CARHSP1: variants seen among roughly 807,000 people sequenced by gnomAD.
The protein encoded by CARHSP1 is calcium-regulated heat-stable protein 1.
In CARHSP1, 14 loss-of-function variants were observed where a neutral mutation model predicts 12.5. That is an observed-to-expected ratio of 1.12 (90% CI 0.74 to 1.75). The LOEUF is 1.75. Ranked by LOEUF, CARHSP1 falls within the 40% of genes most tolerant of loss-of-function variation. The probability of loss-of-function intolerance (pLI) is 0.00; values close to 1 mark genes in which losing one functional copy is unlikely to be tolerated. For missense variants in CARHSP1, 343 were observed against 201.6 expected (o/e 1.70, Z -4.25); for synonymous variants, 161 against 82.0 (o/e 1.96, Z -5.20).
At chr16:8,862,826 C>A (rs1029769540) in intron 1 of CARHSP1, among the ~76,000 whole-genome samples, 14 of 152,152 alleles carry the variant, frequency 9.2e-5, no homozygotes, top group African/African-American at 3.4e-4. Context: ...ATCATCATCA[C>A]TGTCATTGTC....
rs1006761424 is a variant in CARHSP1 at position 8,868,993 on chromosome 16, G to C, written c.-35C>G. The C allele has an allele frequency of 6.6e-6, 1 of 151,910 alleles. No individual in the cohort carries two copies. Among genetic ancestry groups the C allele is most frequent in the Non-Finnish European group, 1.5e-5 (1 of 67,966 alleles). 9.4% of individuals were successfully genotyped at this position (151,910 alleles called of 1,614,324 possible). On this transcript the variant is annotated 5_prime_UTR_variant, in exon 1 of 4. Transcript: ENST00000311052. ...TGCAATCCGTTCTGCTCCGCCAGCC[G>C]CTTCGCTCCGACTGAGAGCGCGGAG...
chr16:8,859,460 T>C (rs1020414029), intron 1 of CARHSP1, 125 bp from the exon 2 acceptor site: 3 of 843,288 alleles, frequency 3.6e-6, no homozygotes, highest in Non-Finnish European at 5.3e-6. Context: ...TCAGCACCAT[T>C]GTCACCTTGT....
rs1186463788 is a variant in CARHSP1, at chr16:8,858,399, A to G, written c.232T>C (p.Phe78Leu). ...GGGCCGCCATCAGCTGGAGTAATGA[A>G]GCCATGGCCCTTGGACCGGCAGAAG... ...KCFCRSKGHG[F>L]ITPADGGPDI... is the part of the protein sequence containing the mutation. The change falls in exon 3 of 4, where the codon TTC becomes CTC. Residue 78 changes from phenylalanine to leucine, a missense_variant. Physicochemically the swap from Phe to Leu is conservative, Grantham distance 22. Transcript: ENST00000311052. 3.1e-6 allele frequency: 5 copies of G among 1,614,028 alleles called. No homozygotes were observed. Among genetic ancestry groups the G allele is most frequent in the Non-Finnish European group, 4.2e-6 (5 of 1,180,020 alleles).
rs749783219 is a variant in CARHSP1, at chr16:8,859,258, G to A, written c.71C>T (p.Pro24Leu). ...HQASVGLLDT[P>L]RSRERSPSPL... The stretch of plus-strand genomic sequence containing the variant: ...GGATGGTGAGCGCTCACGGCTCCGA[G>A]GGGTGTCCAGCAGCCCGACTGAAGC... The change falls in exon 2 of 4, where the codon CCT (proline) becomes CTT (leucine). Residue 24 changes from proline (P) to leucine (L), a missense_variant. Physicochemically the swap from Pro to Leu is moderately conservative, Grantham distance 98. Transcript: ENST00000311052. 4 of 1,602,848 alleles carry A rather than the reference G, an allele frequency of 2.5e-6. No individual in the cohort carries two copies. The South Asian group carries it at 3.4e-5, about 13-fold the overall frequency.
At chr16:8,861,707 A>T (rs1339153766) in intron 1 of CARHSP1, 5 of 1,288,284 alleles carry the variant, frequency 3.9e-6, no homozygotes, top group Non-Finnish European at 5.1e-6. Context: ...CCAAGGAGGA[A>T]CTCCTGAGTC....
chr16:8,857,456 TTTTTTTTC>T (rs2061172653), intron 3 of CARHSP1: 1 of 116,686 alleles, frequency 8.6e-6, no homozygotes, highest in Non-Finnish European at 1.8e-5. Flanking sequence ...CTTTTTTTTT[TTTTTTTTC>T]TATTTTTTTG....
At chr16:8,866,364 G>C (rs1229886363) in intron 1 of CARHSP1, 1 of 856,188 alleles carries the variant, frequency 1.2e-6, no homozygotes, top group Non-Finnish European at 1.4e-6. Context: ...CAGTGCAGGA[G>C]GTGGAAGGGA....
Position 8,859,329 on chromosome 16 carries a change from G to A in CARHSP1, c.-1C>T, listed in dbSNP as rs1282150196. 4 of 1,599,304 alleles carry A rather than the reference G, an allele frequency of 2.5e-6. No homozygotes were observed. The highest frequency in any genetic ancestry group is 2.7e-5 in the African/African-American group (2 of 73,722). ...GTGGTGGGGGAGGCTCAGATGACATGGCTGACCTGGAAAGAGAAGAGGCTG... is the reference window on the plus strand; with the variant it reads ...GTGGTGGGGGAGGCTCAGATGACATAGCTGACCTGGAAAGAGAAGAGGCTG... On this transcript the variant is annotated 5_prime_UTR_variant, in exon 2 of 4. Transcript: ENST00000311052.
intron 1 of CARHSP1, chr16:8,868,695 G>A (rs943354079): frequency 6.6e-6 from 1 of 151,940 alleles, no homozygotes; most frequent in Non-Finnish European, 1.5e-5. Flanking sequence ...CCTGCACGCA[G>A]AGAACAGGTG....
chr16:8,861,711 C>T (rs2061361406), intron 1 of CARHSP1: 1 of 1,288,386 alleles, frequency 7.8e-7, no homozygotes, highest in Admixed American at 2.3e-5. Flanking sequence ...GGAGGAACTC[C>T]TGAGTCCGGG....
In CARHSP1 at chr16:8,859,313, G is replaced by A; in HGVS notation, c.16C>T (p.Pro6Ser). Residue 6 changes from proline to serine, a missense_variant, in exon 2 of 4, where the codon CCC becomes TCC. Physicochemically the swap from Pro to Ser is moderately conservative, Grantham distance 74. Coordinates refer to ENST00000311052, the MANE Select transcript of CARHSP1 (RefSeq NM_014316.4). MSSEP[P>S]PPPQPPTHQA... is the part of the protein sequence containing the mutation. ...TGGGTGGGGGGCTGTGGTGGTGGGG[G>A]AGGCTCAGATGACATGGCTGACCTG... is the stretch of plus-strand genomic sequence containing the variant. 2 of 1,601,606 alleles carry A rather than the reference G, an allele frequency of 1.2e-6. No individual in the cohort carries two copies. Among genetic ancestry groups the A allele is most frequent in the South Asian group, 1.1e-5 (1 of 90,066 alleles).
intron 1 of CARHSP1, among the ~76,000 whole-genome samples, chr16:8,865,686 A>G (rs1010791315): frequency 1.3e-5 from 2 of 152,290 alleles, no homozygotes; most frequent in Admixed American, 6.5e-5. Flanking sequence ...GGCAGGCTGT[A>G]GTGCTTTCAT....
At chr16:8,861,989 CTTT>C (rs537614451) in intron 1 of CARHSP1, among the ~76,000 whole-genome samples, 81 of 79,804 alleles carry the variant, frequency 1.0e-3, no homozygotes, top group South Asian at 3.6e-3. Flanking sequence ...GCATAGCTGA[CTTT>C]TTTTTTTTTT....
chr16:8,855,500 C>G (rs1596521604), intron 3 of CARHSP1, among the ~76,000 whole-genome samples, 174 bp from the exon 4 acceptor site: 1 of 152,180 alleles, frequency 6.6e-6, no homozygotes, highest in East Asian at 1.9e-4. Flanking sequence ...CCACACTGCC[C>G]CCAGCCTCTG....
chr16:8,860,559 G>A (rs2061320386), intron 1 of CARHSP1: 3 of 982,240 alleles, frequency 3.1e-6, no homozygotes, highest in East Asian at 1.1e-4. Flanking sequence ...CCATCTCTGG[G>A]CTCAGTTTCC....
chr16:8,857,190 C>T (rs1188364645), intron 3 of CARHSP1, among the ~76,000 whole-genome samples: 2 of 151,350 alleles, frequency 1.3e-5, no homozygotes, highest in African/African-American at 4.9e-5. Context: ...ACCACCCTGT[C>T]TCCCACAAGC....
intron 2 of CARHSP1, 22 bp from the exon 3 acceptor site, chr16:8,858,494 CAG>C (rs747119779): frequency 3.1e-6 from 5 of 1,611,516 alleles, no homozygotes; most frequent in African/African-American, 2.7e-5. Flanking sequence ...GGGGAAATGT[CAG>C]GGGCCCCATC....
chr16:8,861,158 ATTTTTTTTTTTTTTTTTTTTTT>A lies in CARHSP1; in HGVS notation c.-7-1845_-7-1824del, dbSNP rs765114977. ...ACTGTAGCCTTGACCTCCATGCCTA[ATTTTTTTTTTTTTTTTTTTTTT>A]TTTTTTTTTTTTTTTTTTTATAGAG... On this transcript the variant is annotated intron_variant, in intron 1 of 3. Coordinates refer to ENST00000311052, the MANE Select transcript of CARHSP1 (RefSeq NM_014316.4). Among the ~76,000 whole-genome samples, 9 of 51,268 alleles carry A rather than the reference ATTTTTTTTTTTTTTTTTTTTTT, an allele frequency of 1.8e-4. 1 individual carries two copies. Among genetic ancestry groups the A allele is most frequent in the African/African-American group, 5.2e-4 (6 of 11,610 alleles). The allele number at this position is 51,268 out of a possible 152,430, so 33.6% of individuals were successfully genotyped here.
chr16:8,858,416 C>T lies in CARHSP1; in HGVS notation c.215G>A (p.Arg72Gln), dbSNP rs892751077. ...VYKGVCKCFC[R>Q]SKGHGFITPA... ...AGTAATGAAGCCATGGCCCTTGGAC[C>T]GGCAGAAGCATTTGCAGACTCCTTT... Residue 72 changes from arginine (R) to glutamine (Q), a missense_variant, in exon 3 of 4, where the codon CGG becomes CAG. Arg to Gln is a conservative substitution (Grantham distance 43). Transcript: ENST00000311052. 45 of 1,613,932 alleles carry T rather than the reference C, an allele frequency of 2.8e-5. No individual in the cohort carries two copies. The highest frequency in any genetic ancestry group is 5.3e-5 in the African/African-American group (4 of 74,888).
Sources: allele counts gnomAD v4.1 joint callset (sites outside exome capture counted in the v4.1 genomes callset), GRCh38; gene constraint gnomAD v4.1.1; transcripts MANE v1.5; gene names NCBI Gene and HGNC (gene_info 2026-07-23, HGNC 2026-07-21).